The following CFAP299 variants were observed in gnomAD, a reference collection of about 807,000 sequenced individuals.
The protein encoded by CFAP299 is cilia- and flagella-associated protein 299.
CFAP299 carries 21 observed loss-of-function variants against 27.0 expected under a neutral mutation model. The ratio of observed to expected loss-of-function variants is 0.78; its 90% CI spans 0.55 to 1.12. The LOEUF is 1.12. Among genes scored for constraint, CFAP299 ranks in the 50% most tolerant of loss-of-function variants. The probability of loss-of-function intolerance (pLI) is 0.00; values close to 1 mark genes in which losing one functional copy is unlikely to be tolerated. For synonymous variants in CFAP299, 104 were observed against 98.1 expected (o/e 1.06, Z -0.36); for missense variants, 310 against 276.6 (o/e 1.12, Z -0.86).
In CFAP299 at chr4:80,800,291, T is replaced by C. The variant is rs1336379090; in HGVS notation, c.334-69702T>C. ...AAAATATATATAATATATAATATATTAATATATATAATATATAAGATATAT... is the reference window on the plus strand; with the variant it reads ...AAAATATATATAATATATAATATATCAATATATATAATATATAAGATATAT... On this transcript the variant is annotated intron_variant, in intron 3 of 5. Coordinates refer to ENST00000358105, the MANE Select transcript of CFAP299 (RefSeq NM_152770.3). Among the ~76,000 whole-genome samples, 9 of 73,740 alleles carry C rather than the reference T, an allele frequency of 1.2e-4. No individual in the cohort carries two copies. The East Asian group carries it at 4.1e-3, about 33-fold the overall frequency. The allele number at this position is 73,740 out of a possible 152,430, so 48.4% of individuals were successfully genotyped here. A position where few individuals can be genotyped will look rare whatever the true frequency, so the allele number is the denominator to read the frequency against.
intron 3 of CFAP299, among the ~76,000 whole-genome samples, chr4:80,657,347 T>G (rs1307094918): frequency 6.6e-6 from 1 of 152,240 alleles, no homozygotes; most frequent in Non-Finnish European, 1.5e-5. Flanking sequence ...CTTCTAGGGT[T>G]TTTATGGTTT....
chr4:80,494,626 A>G (rs1731341732), intron 2 of CFAP299, among the ~76,000 whole-genome samples: 1 of 152,076 alleles, frequency 6.6e-6, no homozygotes, highest in Non-Finnish European at 1.5e-5. Flanking sequence ...TTCCAATTTT[A>G]ACTATGATTT....
chr4:80,362,842 C>A lies in CFAP299; in HGVS notation c.200C>A (p.Ala67Glu). The A allele has an allele frequency of 6.2e-7, 1 of 1,612,682 alleles. No individual in the cohort carries two copies. Among genetic ancestry groups the A allele is most frequent in the Non-Finnish European group, 8.5e-7 (1 of 1,179,616 alleles). Residue 67 changes from alanine to glutamate, a missense_variant, in exon 2 of 6, where the codon GCG becomes GAG. Ala to Glu is a moderately radical substitution (Grantham distance 107). Coordinates refer to ENST00000358105, the MANE Select transcript of CFAP299 (RefSeq NM_152770.3). ...AGGGAAGATTTTGAAGCAAGGAAAGCGGCTATAGAGATTGCAAGACTGGCT... is the reference window on the plus strand; with the variant it reads ...AGGGAAGATTTTGAAGCAAGGAAAGAGGCTATAGAGATTGCAAGACTGGCT... Reference protein sequence around the residue: ...VKREDFEARKAAIEIARLAER... With the variant: ...VKREDFEARKEAIEIARLAER...
upstream of CFAP299, among the ~76,000 whole-genome samples, chr4:80,333,528 T>C (rs1722015899): frequency 6.6e-6 from 1 of 152,226 alleles, no homozygotes; most frequent in African/African-American, 2.4e-5. Context: ...ATGTTTTCCT[T>C]TCACTGTGTC....
At chr4:80,489,269 G>A (rs1291517858) in intron 2 of CFAP299, among the ~76,000 whole-genome samples, 1 of 152,078 alleles carries the variant, frequency 6.6e-6, no homozygotes, top group African/African-American at 2.4e-5. Context: ...GTTTTGAATT[G>A]GGAGCTGCCA....
chr4:80,802,060 G>A (rs572066295), intron 3 of CFAP299, among the ~76,000 whole-genome samples: 1 of 152,088 alleles, frequency 6.6e-6, no homozygotes, highest in South Asian at 2.1e-4. Context: ...TTTTCAAAAC[G>A]TGATTTAAAC....
At chr4:80,880,831 T>G (rs1303957551) in intron 4 of CFAP299, among the ~76,000 whole-genome samples, 1 of 152,232 alleles carries the variant, frequency 6.6e-6, no homozygotes. Context: ...ACAATCTTAG[T>G]TTAACACTGA....
chr4:80,811,231 G>A (rs776063902), intron 3 of CFAP299, among the ~76,000 whole-genome samples: 2 of 151,988 alleles, frequency 1.3e-5, no homozygotes, highest in Non-Finnish European at 2.9e-5. Context: ...ATACCAAGAA[G>A]CATATGTACC....
In CFAP299 at chr4:80,767,477, T is replaced by C. The variant is rs935359752; in HGVS notation, c.334-102516T>C. 6.6e-5 allele frequency among the ~76,000 whole-genome samples: 10 copies of C among 151,992 alleles called. No homozygotes were observed. In the South Asian group the frequency reaches 1.0e-3, roughly 16 times the overall value. On this transcript the variant is annotated intron_variant, in intron 3 of 5. Transcript: ENST00000358105. ...ACAAAAAATTAGCCAGGCGTGGTGG[T>C]GGACGCCTGTAGTCCCAGCTACTGA...
At chr4:80,759,319 A>G (rs1411921053) in intron 3 of CFAP299, among the ~76,000 whole-genome samples, 1 of 152,178 alleles carries the variant, frequency 6.6e-6, no homozygotes, top group East Asian at 1.9e-4. Flanking sequence ...ACTACATGGC[A>G]AAATGTATAT....
At chr4:80,580,231 A>T (rs1736095193) in intron 2 of CFAP299, among the ~76,000 whole-genome samples, 1 of 152,084 alleles carries the variant, frequency 6.6e-6, no homozygotes, top group South Asian at 2.1e-4. Flanking sequence ...AAAGATTTAC[A>T]TTCTCATGAG....
intron 2 of CFAP299, among the ~76,000 whole-genome samples, chr4:80,461,580 T>A (rs1729439856): frequency 5.3e-5 from 8 of 152,102 alleles, no homozygotes; most frequent in Admixed American, 5.2e-4. Context: ...AAGGGAGGAA[T>A]GTATAATGAG....
chr4:80,711,682 C>A (rs1722182619), intron 3 of CFAP299, among the ~76,000 whole-genome samples: 1 of 152,154 alleles, frequency 6.6e-6, no homozygotes, highest in Admixed American at 6.6e-5. Flanking sequence ...CCAAGACTGA[C>A]ATTCTTTCTG....
chr4:80,705,597 G>A (rs1001799822), intron 3 of CFAP299, among the ~76,000 whole-genome samples: 2 of 151,796 alleles, frequency 1.3e-5, no homozygotes, highest in Non-Finnish European at 2.9e-5. Context: ...CTGAGTAAGA[G>A]GTGTGGGAAC....
intron 2 of CFAP299, among the ~76,000 whole-genome samples, chr4:80,505,737 A>G (rs1190603676): frequency 6.6e-6 from 1 of 152,128 alleles, no homozygotes; most frequent in Non-Finnish European, 1.5e-5. Context: ...TATATAATGA[A>G]GAATTTTTTT....
At chr4:80,493,759 CTTTTTTTTT>C (rs1177389983) in intron 2 of CFAP299, among the ~76,000 whole-genome samples, 2 of 76,768 alleles carry the variant, frequency 2.6e-5, no homozygotes, top group Middle Eastern at 0.012. Context: ...ATCTCATATT[CTTTTTTTTT>C]TTTTTTTTTT....
chr4:80,536,089 A>T (rs1322343574), intron 2 of CFAP299, among the ~76,000 whole-genome samples: 4 of 152,200 alleles, frequency 2.6e-5, no homozygotes. Flanking sequence ...CTGATGGTTA[A>T]CATAATTTTG....
At chr4:80,539,279 C>A (rs577793621) in intron 2 of CFAP299, among the ~76,000 whole-genome samples, 3 of 152,266 alleles carry the variant, frequency 2.0e-5, no homozygotes, top group Admixed American at 2.0e-4. Flanking sequence ...GTGGAGACAA[C>A]TGCCTTTTGA....
At chr4:80,817,073 C>G (rs1031814265) in intron 3 of CFAP299, among the ~76,000 whole-genome samples, 2 of 152,078 alleles carry the variant, frequency 1.3e-5, no homozygotes, top group African/African-American at 4.8e-5. Context: ...AAATAAGCTG[C>G]TTTGTCCCAG....
Sources: gnomAD v4.1 joint callset for allele counts (sites outside exome capture counted in the v4.1 genomes callset) on GRCh38, gnomAD v4.1.1 for gene constraint, MANE v1.5 for transcripts, NCBI Gene and HGNC (gene_info 2026-07-23, HGNC 2026-07-21) for gene names.